The following PTPN21 variants were observed in gnomAD, a reference collection of about 807,000 sequenced individuals.
PTPN21 encodes the protein tyrosine-protein phosphatase non-receptor type 21.
In PTPN21, 77 loss-of-function variants were observed where a neutral mutation model predicts 131.8. That is an observed-to-expected ratio of 0.58 (90% CI 0.49 to 0.71). The LOEUF is 0.71. Among genes scored for constraint, PTPN21 ranks in the 30% least tolerant of loss-of-function variants. The pLI, the probability that PTPN21 is intolerant of heterozygous loss-of-function variation, is 0.00. For missense variants in PTPN21, 1,552 were observed against 1,527.1 expected (o/e 1.02, Z -0.27); for synonymous variants, 715 against 621.3 (o/e 1.15, Z -2.24).
chr14:88,485,125 C>T lies in PTPN21; in HGVS notation c.1029G>A (p.Pro343=), dbSNP rs773654317. 37 of 1,605,982 alleles carry T rather than the reference C, an allele frequency of 2.3e-5. No homozygotes were observed. The highest frequency in any genetic ancestry group is 6.6e-5 in the South Asian group (6 of 90,258). Reference sequence around the variant, plus strand: ...TATAATGTCCATTATAGTGCAACTGCGGTGGGGGAGGCATCACGTAGGGCT... The same window carrying T: ...TATAATGTCCATTATAGTGCAACTGTGGTGGGGGAGGCATCACGTAGGGCT... ...KPQPYVMPPP[P]QLHYNGHYTE... is the part of the protein sequence containing the mutation. The change falls in exon 12 of 19, where the codon CCG becomes CCA. Residue 343 remains proline, a synonymous_variant. Transcript: ENST00000556564.
Position 88,479,916 on chromosome 14 carries a change from T to C in PTPN21, c.1515A>G (p.Pro505=). 1.2e-6 allele frequency: 2 copies of C among 1,601,766 alleles called. No homozygotes were observed. The highest frequency in any genetic ancestry group is 1.7e-6 in the Non-Finnish European group (2 of 1,177,988). Residue 505 remains proline, a synonymous_variant, in exon 13 of 19, where the codon CCA becomes CCG. Coordinates refer to ENST00000556564, the MANE Select transcript of PTPN21 (RefSeq NM_007039.4). ...EIREHAQLPS[P]AAAHCPFSLS... is the part of the protein sequence containing the mutation. ...GGCTGAACGGGCAGTGTGCGGCCGC[T>C]GGCGAGGGGAGCTGTGCGTGCTCGC... is the stretch of plus-strand genomic sequence containing the variant.
intron 15 of PTPN21, chr14:88,470,397 TAACTC>T (rs1021638772): frequency 5.4e-5 from 11 of 205,558 alleles, no homozygotes; most frequent in Non-Finnish European, 6.9e-5. Context: ...ACCTGGCACA[TAACTC>T]AATAAGTAGC....
chr14:88,503,694 G>A (rs1252986760), intron 6 of PTPN21, among the ~76,000 whole-genome samples: 1 of 152,198 alleles, frequency 6.6e-6, no homozygotes, highest in South Asian at 2.1e-4. Context: ...GTTAGGGTAA[G>A]CTATGATGTT....
chr14:88,529,810 C>T (rs1286102500), intron 2 of PTPN21, among the ~76,000 whole-genome samples: 1 of 151,908 alleles, frequency 6.6e-6, no homozygotes, highest in Non-Finnish European at 1.5e-5. Context: ...GGTGAAGCCC[C>T]ATCTCTACCA....
intron 2 of PTPN21, among the ~76,000 whole-genome samples, chr14:88,537,080 T>C (rs1194893058): frequency 6.6e-6 from 1 of 152,194 alleles, no homozygotes; most frequent in East Asian, 1.9e-4. Flanking sequence ...ATAATATATA[T>C]TTTACAGCCA....
chr14:88,541,804 T>C (rs2078710226), intron 2 of PTPN21, among the ~76,000 whole-genome samples: 2 of 152,160 alleles, frequency 1.3e-5, no homozygotes, highest in South Asian at 2.1e-4. Flanking sequence ...ATTATGAAGG[T>C]CTTGAATTGT....
In PTPN21 at chr14:88,531,813, C is replaced by T. The variant is rs1328739279; in HGVS notation, c.181-14552G>A. Among the ~76,000 whole-genome samples the T allele has an allele frequency of 3.3e-5, 5 of 151,896 alleles. 1 individual carries two copies. The South Asian group carries it at 1.0e-3, about 32-fold the overall frequency. ...AAATTGAAACAAAACAAAACAAAAA[C>T]AAAAAGCTGGTTCTTTGAAAAGGTA... On this transcript the variant is annotated intron_variant, in intron 2 of 18. Coordinates refer to ENST00000556564, the MANE Select transcript of PTPN21 (RefSeq NM_007039.4).
intron 2 of PTPN21, among the ~76,000 whole-genome samples, chr14:88,546,813 CAG>C (rs1305692692): frequency 4.6e-5 from 7 of 152,168 alleles, no homozygotes; most frequent in Non-Finnish European, 8.8e-5. Flanking sequence ...TGACCCCACT[CAG>C]ATTATTTCTG....
At chr14:88,517,294 T>C (rs1375685432) in intron 2 of PTPN21, 33 bp from the exon 3 acceptor site, 16 of 1,604,104 alleles carry the variant, frequency 1.0e-5, no homozygotes, top group Non-Finnish European at 1.4e-5. Flanking sequence ...AAGGAGGCAA[T>C]AACATACAAA....
chr14:88,545,837 AT>A (rs2078769389), intron 2 of PTPN21, among the ~76,000 whole-genome samples: 1 of 151,802 alleles, frequency 6.6e-6, no homozygotes, highest in Non-Finnish European at 1.5e-5. Flanking sequence ...GCATGCGCCT[AT>A]AGTCCCAGTT....
At position 88,480,818 on chromosome 14, in the gene PTPN21, C is replaced by T. The variant is rs189443706; in HGVS notation, c.1079-466G>A. Reference sequence around the variant, plus strand: ...TCTTCCCAAATGAATATGAGAGCTTCGACTGTAAAAGGGTAATGGTATAGC... The same window carrying T: ...TCTTCCCAAATGAATATGAGAGCTTTGACTGTAAAAGGGTAATGGTATAGC... On this transcript the variant is annotated intron_variant, in intron 12 of 18. Transcript: ENST00000556564. Among the ~76,000 whole-genome samples the T allele has an allele frequency of 4.6e-5, 7 of 152,218 alleles. No homozygotes were observed. In the East Asian group the frequency reaches 7.7e-4, roughly 17 times the overall value.
chr14:88,519,671 T>G (rs1454248210), intron 2 of PTPN21, among the ~76,000 whole-genome samples: 1 of 152,184 alleles, frequency 6.6e-6, no homozygotes, highest in Non-Finnish European at 1.5e-5. Flanking sequence ...TAAAATGAGT[T>G]CATCAAATAA....
chr14:88,501,001 A>G, intron 7 of PTPN21, 130 bp from the exon 8 acceptor site: 1 of 696,762 alleles, frequency 1.4e-6, no homozygotes, highest in East Asian at 2.6e-5. Context: ...TCAGGAAGAC[A>G]AAAGTCTGAA....
At chr14:88,518,156 T>A (rs1033155794) in intron 2 of PTPN21, among the ~76,000 whole-genome samples, 4 of 135,994 alleles carry the variant, frequency 2.9e-5, no homozygotes, top group Non-Finnish European at 4.7e-5. Flanking sequence ...CCTCCTTTTT[T>A]TCCTTCAGTT....
At chr14:88,530,992 T>C (rs1397777568) in intron 2 of PTPN21, among the ~76,000 whole-genome samples, 1 of 152,148 alleles carries the variant, frequency 6.6e-6, no homozygotes, top group Non-Finnish European at 1.5e-5. Context: ...ATACATTATT[T>C]TCATCAAAAC....
intron 3 of PTPN21, among the ~76,000 whole-genome samples, chr14:88,508,513 T>C (rs183598040): frequency 3.1e-4 from 47 of 152,282 alleles, no homozygotes; most frequent in Non-Finnish European, 3.8e-4. Flanking sequence ...TATTAAAGTA[T>C]ATGTGATGAA....
chr14:88,472,841 C>A (rs1345218711), intron 14 of PTPN21, among the ~76,000 whole-genome samples: 1 of 151,988 alleles, frequency 6.6e-6, no homozygotes, highest in African/African-American at 2.4e-5. Context: ...CTCAAAAAAA[C>A]CAAACCAAAA....
chr14:88,514,624 C>A (rs577690373), intron 3 of PTPN21, among the ~76,000 whole-genome samples: 1 of 152,050 alleles, frequency 6.6e-6, no homozygotes, highest in Non-Finnish European at 1.5e-5. Context: ...GCCACCACAC[C>A]TGACATATTT....
chr14:88,484,843 C>T lies in PTPN21; in HGVS notation c.1078+233G>A, dbSNP rs573324274. The stretch of plus-strand genomic sequence containing the variant: ...GTGGATGTTGCAGTGAGCTGAGACA[C>T]GCCACTGCACTCTAGCCTGGGTGAC... On this transcript the variant is annotated intron_variant, in intron 12 of 18. Transcript: ENST00000556564. Among the ~76,000 whole-genome samples, 8 of 152,052 alleles carry T rather than the reference C, an allele frequency of 5.3e-5. No homozygotes were observed. In the South Asian group the frequency reaches 1.7e-3, roughly 32 times the overall value.
Sources: allele counts gnomAD v4.1 joint callset (sites outside exome capture counted in the v4.1 genomes callset), GRCh38; gene constraint gnomAD v4.1.1; transcripts MANE v1.5; gene names NCBI Gene and HGNC (gene_info 2026-07-23, HGNC 2026-07-21).